The following OPCML variants were observed in gnomAD, a reference collection of about 807,000 sequenced individuals.
OPCML encodes opioid binding protein/cell adhesion molecule like.
Under a neutral mutation model 37.8 loss-of-function variants are expected in OPCML, and 13 were observed. That is an observed-to-expected ratio of 0.34 (90% CI 0.22 to 0.55). The LOEUF is 0.55. Among genes scored for constraint, OPCML ranks in the 20% least tolerant of loss-of-function variants. OPCML has a pLI of 0.91. For missense variants in OPCML, 341 were observed against 435.6 expected (o/e 0.78, Z 1.93); for synonymous variants, 176 against 168.8 (o/e 1.04, Z -0.33).
intron 2 of OPCML, among the ~76,000 whole-genome samples, chr11:132,912,689 C>A (rs1944464939): frequency 6.6e-6 from 1 of 152,166 alleles, no homozygotes; most frequent in Non-Finnish European, 1.5e-5. Context: ...TCTCTTGTAT[C>A]AACTATTTGG....
intron 1 of OPCML, among the ~76,000 whole-genome samples, chr11:132,962,420 T>C (rs561890597): frequency 6.1e-4 from 93 of 152,352 alleles, no homozygotes; most frequent in African/African-American, 2.2e-3. Flanking sequence ...TCCCACATGG[T>C]AAACAGACTA....
chr11:132,790,819 T>C (rs1476786836), intron 2 of OPCML, among the ~76,000 whole-genome samples: 2 of 152,152 alleles, frequency 1.3e-5, no homozygotes, highest in African/African-American at 4.8e-5. Flanking sequence ...TTCCAATATT[T>C]TGGTTATGGG....
intron 3 of OPCML, among the ~76,000 whole-genome samples, chr11:132,552,606 T>C (rs2096384463): frequency 6.6e-6 from 1 of 152,260 alleles, no homozygotes; most frequent in Non-Finnish European, 1.5e-5. Flanking sequence ...ATTCCTAAAC[T>C]TATGGACATA....
chr11:132,593,387 A>G (rs2096487719), intron 3 of OPCML, among the ~76,000 whole-genome samples: 1 of 152,198 alleles, frequency 6.6e-6, no homozygotes, highest in Non-Finnish European at 1.5e-5. Context: ...TATTCCAAAC[A>G]CAATCCTCAG....
At chr11:132,633,827 T>G (rs1231664680) in intron 3 of OPCML, among the ~76,000 whole-genome samples, 1 of 152,002 alleles carries the variant, frequency 6.6e-6, no homozygotes, top group South Asian at 2.1e-4. Flanking sequence ...GCATCAATAA[T>G]GTTTCCTTCC....
chr11:133,363,673 T>C (rs1944472089), intron 1 of OPCML, among the ~76,000 whole-genome samples: 2 of 152,036 alleles, frequency 1.3e-5, no homozygotes, highest in South Asian at 4.1e-4. Flanking sequence ...AGGTGAGCTG[T>C]GAAAGGAGGT....
chr11:133,208,259 T>C lies in OPCML; in HGVS notation c.62-265249A>G, dbSNP rs922291633. Among the ~76,000 whole-genome samples the C allele has an allele frequency of 2.0e-5, 3 of 152,316 alleles. No individual in the cohort carries two copies. In the South Asian group the frequency reaches 6.2e-4, roughly 32 times the overall value. ...TTGTATTACATTGCATTGCACTGTA[T>C]TGTTGTATTACCACGTATAAATACC... On this transcript the variant is annotated intron_variant, in intron 1 of 7. Transcript: ENST00000524381. This position sits in a 1 kb window ranked among gnomAD's most constrained non-coding sequence, Gnocchi z 8.9.
intron 1 of OPCML, among the ~76,000 whole-genome samples, chr11:133,044,558 A>C (rs1947971149): frequency 6.6e-6 from 1 of 152,158 alleles, no homozygotes; most frequent in Non-Finnish European, 1.5e-5. Context: ...GGTTAAGAAG[A>C]AGCCGTATTT....
chr11:133,193,611 T>C (rs1213677108), intron 1 of OPCML, among the ~76,000 whole-genome samples: 1 of 152,186 alleles, frequency 6.6e-6, no homozygotes, highest in African/African-American at 2.4e-5. Context: ...CACCTGCTCC[T>C]TTTGGAAACA....
At chr11:132,962,572 C>T (rs1410658986) in intron 1 of OPCML, among the ~76,000 whole-genome samples, 1 of 152,202 alleles carries the variant, frequency 6.6e-6, no homozygotes, top group African/African-American at 2.4e-5. Context: ...TCATATTTGT[C>T]ACAGAGGGGG....
At chr11:133,458,586 CAT>C (rs1946766609) in intron 1 of OPCML, among the ~76,000 whole-genome samples, 3 of 103,782 alleles carry the variant, frequency 2.9e-5, no homozygotes, top group Admixed American at 1.7e-4. Flanking sequence ...TGTGTGTACA[CAT>C]ATATACACGT....
At chr11:132,861,676 A>C (rs1942306262) in intron 2 of OPCML, among the ~76,000 whole-genome samples, 1 of 152,108 alleles carries the variant, frequency 6.6e-6, no homozygotes, top group Admixed American at 6.5e-5. Flanking sequence ...CTCTACAAAA[A>C]TACAAAAAAT....
rs1471962783 is a variant in OPCML at position 133,421,558 on chromosome 11, A to G, written c.61+110706T>C. 3.0e-6 allele frequency: 3 copies of G among 985,444 alleles called. No homozygotes were observed. The South Asian group carries it at 1.4e-4, about 46-fold the overall frequency. 61.0% of individuals were successfully genotyped at this position (985,444 alleles called of 1,614,324 possible). A position where few individuals can be genotyped will look rare whatever the true frequency, so the allele number is the denominator to read the frequency against. On this transcript the variant is annotated intron_variant, in intron 1 of 7. Transcript: ENST00000524381. ...GCAAACTGTAGAGTTGGGATTGTTG[A>G]TTCAGCAACAGAGATAAAATTGAAA...
At chr11:132,978,648 G>A (rs1946516363) in intron 1 of OPCML, among the ~76,000 whole-genome samples, 1 of 152,180 alleles carries the variant, frequency 6.6e-6, no homozygotes, top group South Asian at 2.1e-4. Context: ...AATATCCAGG[G>A]TGAGGGAACA....
intron 3 of OPCML, among the ~76,000 whole-genome samples, chr11:132,607,523 G>T (rs1938378854): frequency 6.6e-6 from 1 of 152,112 alleles, no homozygotes; most frequent in African/African-American, 2.4e-5. Context: ...TTGTGTTCTG[G>T]AACTGGTGAT....
chr11:133,292,112 C>A (rs1327347399), intron 1 of OPCML, among the ~76,000 whole-genome samples: 1 of 152,200 alleles, frequency 6.6e-6, no homozygotes, highest in Non-Finnish European at 1.5e-5. Context: ...AAGCCCCGTG[C>A]TGGCTGGGAC....
At chr11:132,635,236 A>T (rs1043204785) in intron 3 of OPCML, among the ~76,000 whole-genome samples, 1 of 152,198 alleles carries the variant, frequency 6.6e-6, no homozygotes, top group East Asian at 1.9e-4. Context: ...GAGTATGCTT[A>T]CTTTTAAAAT....
At chr11:132,536,135 A>G (rs182691772) in intron 3 of OPCML, among the ~76,000 whole-genome samples, 337 of 152,224 alleles carry the variant, frequency 2.2e-3, no homozygotes, top group African/African-American at 7.2e-3. Flanking sequence ...AGCTTCCATT[A>G]CATCCCTCAG....
At chr11:132,800,016 T>C (rs1283583335) in intron 2 of OPCML, among the ~76,000 whole-genome samples, 1 of 152,208 alleles carries the variant, frequency 6.6e-6, no homozygotes, top group Non-Finnish European at 1.5e-5. Flanking sequence ...ATTTGGTAAC[T>C]ATTGCCTTTT....
Sources: gnomAD v4.1 joint callset for allele counts (sites outside exome capture counted in the v4.1 genomes callset) on GRCh38, gnomAD v4.1.1 for gene constraint, Gnocchi (gnomAD v3.1) non-coding constraint, MANE v1.5 for transcripts, NCBI Gene and HGNC (gene_info 2026-07-23, HGNC 2026-07-21) for gene names.